TIAM1: variants seen among roughly 807,000 people sequenced by gnomAD.
The protein encoded by TIAM1 is rho guanine nucleotide exchange factor TIAM1.
TIAM1 carries 65 observed loss-of-function variants against 163.5 expected under a neutral mutation model. The ratio of observed to expected loss-of-function variants is 0.40; its 90% CI spans 0.33 to 0.49. TIAM1 has a LOEUF of 0.49. TIAM1 is among the 20% of genes least tolerant of loss of function. The probability of loss-of-function intolerance (pLI) is 0.77; values close to 1 mark genes in which losing one functional copy is unlikely to be tolerated. For synonymous variants in TIAM1, 833 were observed against 810.1 expected, an observed-to-expected ratio of 1.03 and a Z score of -0.48; for missense variants, 1,789 against 2,044.7, an observed-to-expected ratio of 0.87 and a Z score of 2.41.
intron 23 of TIAM1, among the ~76,000 whole-genome samples, chr21:31,134,173 TAC>T (rs1248359827): frequency 4.6e-5 from 7 of 152,200 alleles, no homozygotes; most frequent in African/African-American, 1.7e-4. Context: ...GATTTCTAAC[TAC>T]AGTGAATCTG....
intron 5 of TIAM1, among the ~76,000 whole-genome samples, chr21:31,248,925 G>A (rs2071645648): frequency 6.6e-6 from 1 of 151,980 alleles, no homozygotes; most frequent in South Asian, 2.1e-4. Context: ...ACTCTCTGAG[G>A]GAATGGCAGA....
intron 4 of TIAM1, among the ~76,000 whole-genome samples, chr21:31,256,767 T>C (rs1056178399): frequency 2.6e-5 from 4 of 152,180 alleles, no homozygotes; most frequent in African/African-American, 7.2e-5. Context: ...ATATGTATAA[T>C]GGGGAGAGCA....
At chr21:31,416,094 A>C (rs909913525) in intron 2 of TIAM1, among the ~76,000 whole-genome samples, 32 of 152,138 alleles carry the variant, frequency 2.1e-4, no homozygotes, top group African/African-American at 7.7e-4. Context: ...ACCTTTAAAA[A>C]GGCCTCCATA....
At chr21:31,362,808 G>T (rs976698182) in intron 2 of TIAM1, among the ~76,000 whole-genome samples, 6 of 152,108 alleles carry the variant, frequency 3.9e-5, no homozygotes, top group African/African-American at 1.2e-4. Flanking sequence ...CACCCCTTAG[G>T]GCAGGGAGCG....
At chr21:31,295,589 C>A (rs2074227588) in intron 2 of TIAM1, among the ~76,000 whole-genome samples, 1 of 151,566 alleles carries the variant, frequency 6.6e-6, no homozygotes, top group African/African-American at 2.4e-5. Flanking sequence ...ACGATAAACT[C>A]AGAGGCTATG....
At chr21:31,405,023 C>T (rs1339577592) in intron 2 of TIAM1, among the ~76,000 whole-genome samples, 4 of 152,000 alleles carry the variant, frequency 2.6e-5, no homozygotes, top group Admixed American at 2.6e-4. Flanking sequence ...AGGAGGAATG[C>T]TTGAGCCCAG....
chr21:31,390,918 C>G (rs2833392), intron 2 of TIAM1, among the ~76,000 whole-genome samples: 41,972 of 152,042 alleles, frequency 0.28, 6,138 homozygotes, highest in Middle Eastern at 0.48. Flanking sequence ...TTCAAAGATT[C>G]GTAGTAGGAC....
At chr21:31,190,437 T>C (rs917404758) in intron 13 of TIAM1, among the ~76,000 whole-genome samples, 3 of 151,824 alleles carry the variant, frequency 2.0e-5, no homozygotes, top group African/African-American at 7.3e-5. Context: ...AACAAACTCA[T>C]GAGATGAACC....
At chr21:31,488,586 C>T (rs1250097948) in intron 1 of TIAM1, among the ~76,000 whole-genome samples, 1 of 152,138 alleles carries the variant, frequency 6.6e-6, no homozygotes, top group Non-Finnish European at 1.5e-5. Flanking sequence ...ACTATCACAG[C>T]GGAAGGTGAA....
chr21:31,147,024 C>T lies in TIAM1; in HGVS notation c.3367-21G>A, dbSNP rs148856044. The T allele has an allele frequency of 1.7e-5, 28 of 1,604,702 alleles. No homozygotes were observed. The African/African-American group carries it at 3.7e-4, about 21-fold the overall frequency. ...ACTTTCTGGATTTGACGAGAAAAGG[C>T]ACAGTTGGTTGTTTCCTTCCTCCAC... On this transcript the variant is annotated intron_variant, in intron 19 of 27. Transcript: ENST00000541036.
At chr21:31,327,029 C>T (rs1375328294) in intron 2 of TIAM1, among the ~76,000 whole-genome samples, 2 of 152,172 alleles carry the variant, frequency 1.3e-5, no homozygotes, top group Non-Finnish European at 2.9e-5. Context: ...TAACATGCGG[C>T]TCCAGTGAGA....
chr21:31,464,918 G>A (rs1017033607), intron 1 of TIAM1, among the ~76,000 whole-genome samples: 4 of 151,808 alleles, frequency 2.6e-5, no homozygotes, highest in African/African-American at 7.3e-5. Flanking sequence ...GCTGAGACAC[G>A]AGAATTGATT....
At chr21:31,448,576 A>G (rs1156864623) in intron 2 of TIAM1, among the ~76,000 whole-genome samples, 2 of 150,810 alleles carry the variant, frequency 1.3e-5, no homozygotes, top group Non-Finnish European at 2.9e-5. Flanking sequence ...ACTGCACTCC[A>G]GCCTGGGTGA....
Position 31,141,210 on chromosome 21 carries a change from C to T in TIAM1, c.3682G>A (p.Ala1228Thr). Reference protein sequence around the residue: ...DVAIKTMNKVASHINEMQKIH... With the variant: ...DVAIKTMNKVTSHINEMQKIH... ...TTCTGCATCTCATTGATGTGACTGGCAACCTTGTTCATGGTCTTGATGGCC... is the reference window on the plus strand; with the variant it reads ...TTCTGCATCTCATTGATGTGACTGGTAACCTTGTTCATGGTCTTGATGGCC... The change falls in exon 22 of 28, where the codon GCC becomes ACC. Residue 1228 changes from alanine to threonine, a missense_variant. Ala to Thr is a moderately conservative substitution (Grantham distance 58). Coordinates refer to ENST00000541036, the MANE Select transcript of TIAM1 (RefSeq NM_001353694.2). This position sits in a 1 kb window ranked among gnomAD's most constrained non-coding sequence, Gnocchi z 4.7. 1 of 1,614,176 alleles carries T rather than the reference C, an allele frequency of 6.2e-7. No homozygotes were observed. The highest frequency in any genetic ancestry group is 2.2e-5 in the East Asian group (1 of 44,880).
intron 2 of TIAM1, among the ~76,000 whole-genome samples, chr21:31,375,279 CA>C (rs751950337): frequency 6.6e-6 from 1 of 152,134 alleles, no homozygotes; most frequent in Non-Finnish European, 1.5e-5. Context: ...CTAACAAACA[CA>C]AACAGAGCAA....
intron 20 of TIAM1, among the ~76,000 whole-genome samples, chr21:31,143,030 A>G (rs1181233071): frequency 6.6e-6 from 1 of 152,116 alleles, no homozygotes; most frequent in Non-Finnish European, 1.5e-5. Context: ...GTAACAGTGG[A>G]CACACGCTGC....
chr21:31,120,919 G>A lies in TIAM1; in HGVS notation c.4307-82C>T. The A allele has an allele frequency of 7.2e-7, 1 of 1,393,850 alleles. No homozygotes were observed. The allele number at this position is 1,393,850 out of a possible 1,614,324, so 86.3% of individuals were successfully genotyped here. ...AAAATCCAGAAAGCAAAGGACAGGA[G>A]AAAATAAAAACCAAAACGGTATGCA... On this transcript the variant is annotated intron_variant, in intron 27 of 27. Coordinates refer to ENST00000541036, the MANE Select transcript of TIAM1 (RefSeq NM_001353694.2). This position sits in a 1 kb window ranked among gnomAD's most constrained non-coding sequence, Gnocchi z 4.2.
At chr21:31,155,557 T>G (rs1416395455) in intron 16 of TIAM1, among the ~76,000 whole-genome samples, 1 of 151,886 alleles carries the variant, frequency 6.6e-6, no homozygotes, top group Admixed American at 6.6e-5. Flanking sequence ...CAGGCTGGAG[T>G]GCAGTGGTGC....
intron 2 of TIAM1, among the ~76,000 whole-genome samples, chr21:31,447,227 A>G (rs1389522837): frequency 6.6e-6 from 1 of 152,178 alleles, no homozygotes; most frequent in African/African-American, 2.4e-5. Flanking sequence ...CAACTCTACA[A>G]AATTTTTCTT....
Sources: gnomAD v4.1 joint callset for allele counts (sites outside exome capture counted in the v4.1 genomes callset) on GRCh38, gnomAD v4.1.1 for gene constraint, Gnocchi (gnomAD v3.1) non-coding constraint, MANE v1.5 for transcripts, NCBI Gene and HGNC (gene_info 2026-07-23, HGNC 2026-07-21) for gene names.